Variants in TRMT61B observed in about 807,000 individuals in gnomAD.
TRMT61B encodes tRNA (adenine(58)-N(1))-methyltransferase, mitochondrial.
A neutral mutation model predicts 52.0 loss-of-function variants in TRMT61B; 56 were observed. The observed-to-expected ratio is 1.08, with a 90% CI of 0.87 to 1.35. The LOEUF is 1.35. TRMT61B is among the 40% of genes most tolerant of loss of function. The pLI, the probability that TRMT61B is intolerant of heterozygous loss-of-function variation, is 0.00. For synonymous variants in TRMT61B, 206 were observed against 220.0 expected (o/e 0.94, Z 0.56); for missense variants, 650 against 577.9 (o/e 1.12, Z -1.28).
At chr2:28,867,743 T>C (rs549503013) in intron 1 of TRMT61B, among the ~76,000 whole-genome samples, 1 of 152,178 alleles carries the variant, frequency 6.6e-6, no homozygotes, top group East Asian at 1.9e-4. Context: ...ATTACGAAAG[T>C]CTTTTAGTTT....
rs149831925 is a variant in TRMT61B, at chr2:28,849,887, T to G, written c.*312A>C. 1.4e-5 allele frequency: 23 copies of G among 1,591,152 alleles called. No individual in the cohort carries two copies. Among genetic ancestry groups the G allele is most frequent in the Non-Finnish European group, 1.8e-5 (21 of 1,173,240 alleles). ...ATCAATCAAATAAAGGAAAGAAAAC[T>G]AATTTCTTGAAGAAAGACAAATCTA... On this transcript the variant is annotated 3_prime_UTR_variant, in exon 7 of 7. Coordinates refer to ENST00000306108, the MANE Select transcript of TRMT61B (RefSeq NM_017910.4).
chr2:28,858,672 G>A (rs1415812862), intron 3 of TRMT61B, among the ~76,000 whole-genome samples: 1 of 150,498 alleles, frequency 6.6e-6, no homozygotes, highest in African/African-American at 2.4e-5. Context: ...GCGGGCGCCC[G>A]TAATCCCAGC....
At chr2:28,868,785 G>A (rs561399453) in intron 1 of TRMT61B, among the ~76,000 whole-genome samples, 16 of 152,362 alleles carry the variant, frequency 1.1e-4, no homozygotes, top group Admixed American at 9.8e-4. Flanking sequence ...GGCCGAGGTG[G>A]GCGGATCACT....
In TRMT61B at chr2:28,850,340, G is replaced by A; in HGVS notation, c.1378C>T (p.Pro460Ser). The change falls in exon 6 of 7, where the codon CCT becomes TCT. Residue 460 changes from proline (P) to serine (S), a missense_variant. Transcript: ENST00000306108. ...PYVARPVHWQ[P>S]GHTAFLVKLR... Reference sequence around the variant, plus strand: ...AAACATTACTCACCTGTATGACCAGGTTGCCAGTGTACTGGTCTAGCAACA... The same window carrying A: ...AAACATTACTCACCTGTATGACCAGATTGCCAGTGTACTGGTCTAGCAACA... 6.2e-7 allele frequency: 1 copy of A among 1,609,716 alleles called. No homozygotes were observed. The highest frequency in any genetic ancestry group is 8.5e-7 in the Non-Finnish European group (1 of 1,177,392).
chr2:28,865,151 G>A (rs760023906), intron 1 of TRMT61B, 32 bp from the exon 2 acceptor site: 8 of 1,295,058 alleles, frequency 6.2e-6, no homozygotes, highest in African/African-American at 4.4e-5. Context: ...GTGACTCAGC[G>A]ACCAATAAAT....
chr2:28,863,590 T>C (rs1255899750), intron 2 of TRMT61B, among the ~76,000 whole-genome samples: 1 of 152,204 alleles, frequency 6.6e-6, no homozygotes, highest in Non-Finnish European at 1.5e-5. Context: ...ATATAGGCAC[T>C]TATCTGTTCT....
chr2:28,853,476 G>A (rs770393294), intron 3 of TRMT61B, among the ~76,000 whole-genome samples: 10 of 152,158 alleles, frequency 6.6e-5, no homozygotes, highest in Non-Finnish European at 5.9e-5. Context: ...GCACCTGGCT[G>A]ACAATGTGAA....
At chr2:28,858,864 A>ATACACATC (rs1253784468) in intron 3 of TRMT61B, among the ~76,000 whole-genome samples, 1 of 151,596 alleles carries the variant, frequency 6.6e-6, no homozygotes, top group African/African-American at 2.4e-5. Context: ...AGTATCAGAA[A>ATACACATC]TACACATCTA....
rs866323994 is a variant in TRMT61B, at chr2:28,869,941, C to T, written c.337G>A (p.Gly113Ser). 3.1e-6 allele frequency: 5 copies of T among 1,613,704 alleles called. No homozygotes were observed. In the African/African-American group the frequency reaches 6.7e-5, roughly 22 times the overall value. ...TCCTCGGATCCCTGGTGTGTGGGAC[C>T]GCACCGGCCCTGGTCTCCGCTCGAG... ...EDSSGDQGRC[G>S]PTHQGSEDPS... The change falls in exon 1 of 7, where the codon GGT becomes AGT. Residue 113 changes from glycine (G) to serine (S), a missense_variant. Coordinates refer to ENST00000306108, the MANE Select transcript of TRMT61B (RefSeq NM_017910.4).
In TRMT61B at chr2:28,869,722, C is replaced by G; in HGVS notation, c.556G>C (p.Ala186Pro). 1 of 1,614,090 alleles carries G rather than the reference C, an allele frequency of 6.2e-7. No individual in the cohort carries two copies. Among genetic ancestry groups the G allele is most frequent in the Non-Finnish European group, 8.5e-7 (1 of 1,179,946 alleles). ...CCCACGATCTTGCCGAACGGGACTG[C>G]CCCCCAGTTACTATTTAAGAGTCCG... ...NFGLLNSNWGAVPFGKIVGKF... is the reference protein window; with the variant it reads ...NFGLLNSNWGPVPFGKIVGKF... The change falls in exon 1 of 7, where the codon GCA (alanine) becomes CCA (proline). Residue 186 changes from alanine to proline, a missense_variant. Transcript: ENST00000306108.
intron 5 of TRMT61B, 94 bp from the exon 6 acceptor site, chr2:28,850,499 A>G: frequency 2.5e-6 from 2 of 816,152 alleles, no homozygotes; most frequent in Non-Finnish European, 3.8e-6. Flanking sequence ...TCTTTATTGT[A>G]AGTTTTTTCT....
At position 28,861,273 on chromosome 2, in the gene TRMT61B, G is replaced by T. The variant is rs536257405; in HGVS notation, c.838C>A (p.Arg280=). The T allele has an allele frequency of 6.2e-7, 1 of 1,605,202 alleles. No individual in the cohort carries two copies. The highest frequency in any genetic ancestry group is 8.5e-7 in the Non-Finnish European group (1 of 1,177,142). ...TTAGCCAGATCATGGTGGTCTTTTC[G>T]TACCTCAAAACTTATGACTCGTCCT... ...SQGRVISFEV[R]KDHHDLAKKN... Residue 280 remains arginine, a synonymous_variant, in exon 3 of 7, where the codon CGA becomes AGA. Transcript: ENST00000306108.
chr2:28,859,180 C>G (rs544992500), intron 3 of TRMT61B, among the ~76,000 whole-genome samples: 2 of 152,170 alleles, frequency 1.3e-5, no homozygotes, highest in East Asian at 1.9e-4. Context: ...CCCGGGTTCA[C>G]GCCATTCTCC....
In TRMT61B at chr2:28,850,142, T is replaced by C; in HGVS notation, c.*57A>G. On this transcript the variant is annotated 3_prime_UTR_variant, in exon 7 of 7. Transcript: ENST00000306108. Reference sequence around the variant, plus strand: ...TCTATGGAAGCAGTGATTTTCAATATAAAGTTCTATTTTGATATTTTTCCA... The same window carrying C: ...TCTATGGAAGCAGTGATTTTCAATACAAAGTTCTATTTTGATATTTTTCCA... 1.3e-6 allele frequency: 2 copies of C among 1,488,256 alleles called. No homozygotes were observed. Among genetic ancestry groups the C allele is most frequent in the Non-Finnish European group, 9.3e-7 (1 of 1,079,156 alleles). 92.2% of individuals were successfully genotyped at this position (1,488,256 alleles called of 1,614,324 possible).
Position 28,850,159 on chromosome 2 carries a change from AT to A in TRMT61B, c.*39del. On this transcript the variant is annotated 3_prime_UTR_variant, in exon 7 of 7. Coordinates refer to ENST00000306108, the MANE Select transcript of TRMT61B (RefSeq NM_017910.4). ...TTTCAATATAAAGTTCTATTTTGAT[AT>A]TTTTCCATCTTCAAGTCAGTTACTG... is the stretch of plus-strand genomic sequence containing the variant. 1.3e-6 allele frequency: 2 copies of A among 1,572,844 alleles called. No individual in the cohort carries two copies. The highest frequency in any genetic ancestry group is 1.8e-5 in the Admixed American group (1 of 56,184).
At chr2:28,857,827 T>TG (rs1669411907) in intron 3 of TRMT61B, among the ~76,000 whole-genome samples, 1 of 152,334 alleles carries the variant, frequency 6.6e-6, no homozygotes, top group South Asian at 2.1e-4. Flanking sequence ...ATTTTATACT[T>TG]CTACAACATA....
At chr2:28,859,011 C>A (rs1450896731) in intron 3 of TRMT61B, among the ~76,000 whole-genome samples, 8 of 151,156 alleles carry the variant, frequency 5.3e-5, no homozygotes. Flanking sequence ...TCTCCTGACT[C>A]GGCCTCCCAA....
chr2:28,851,200 A>T lies in TRMT61B; in HGVS notation c.1184T>A (p.Val395Asp). 6.2e-7 allele frequency: 1 copy of T among 1,613,654 alleles called. No individual in the cohort carries two copies. Reference protein sequence around the residue: ...ISEVIVRDWLVCLAKQKNGIL... With the variant: ...ISEVIVRDWLDCLAKQKNGIL... ...TCCATTTTTCTGTTTTGCAAGGCAA[A>T]CCAACCAATCTCTGACAATGACCTC... The change falls in exon 5 of 7, where the codon GTT becomes GAT. Residue 395 changes from valine to aspartate, a missense_variant. Val to Asp is a radical substitution (Grantham distance 152, BLOSUM62 -3). Coordinates refer to ENST00000306108, the MANE Select transcript of TRMT61B (RefSeq NM_017910.4).
intron 1 of TRMT61B, among the ~76,000 whole-genome samples, chr2:28,865,832 C>A (rs1669819253): frequency 6.6e-6 from 1 of 151,312 alleles, no homozygotes; most frequent in Non-Finnish European, 1.5e-5. Context: ...AGGTGCCTGC[C>A]ACCATGCCCG....
Sources: gnomAD v4.1 joint callset for allele counts (sites outside exome capture counted in the v4.1 genomes callset) on GRCh38, gnomAD v4.1.1 for gene constraint, MANE v1.5 for transcripts, NCBI Gene and HGNC (gene_info 2026-07-23, HGNC 2026-07-21) for gene names.